SUN2: variants seen among roughly 807,000 people sequenced by gnomAD.
The protein encoded by SUN2 is Sad1 and UNC84 domain containing 2.
Under a neutral mutation model 100.0 loss-of-function variants are expected in SUN2, and 60 were observed. The ratio of observed to expected loss-of-function variants is 0.60; its 90% confidence interval spans 0.49 to 0.74. The LOEUF (loss-of-function observed/expected upper bound fraction) is 0.74. SUN2 is among the 30% of genes least tolerant of loss of function. The pLI, the probability that SUN2 is intolerant of heterozygous loss-of-function variation, is 0.00. For missense variants in SUN2, 834 were observed against 954.6 expected (o/e 0.87, Z 1.66); for synonymous variants, 367 against 403.3 (o/e 0.91, Z 1.08).
chr22:38,754,753 G>A (rs1019370930), intron 1 of SUN2: 1 of 1,287,026 alleles, frequency 7.8e-7, no homozygotes, highest in Non-Finnish European at 1.0e-6. Flanking sequence ...CCATACCCAA[G>A]CTGCCGCTGG....
intron 1 of SUN2, chr22:38,754,663 A>G: frequency 8.0e-7 from 1 of 1,252,606 alleles, no homozygotes; most frequent in Non-Finnish European, 1.0e-6. Flanking sequence ...AGCTGCCCAC[A>G]CAGGGACTCC....
chr22:38,754,560 T>TG, intron 1 of SUN2: 1 of 1,085,310 alleles, frequency 9.2e-7, no homozygotes, highest in South Asian at 1.3e-5. Context: ...AGCAGGAAGT[T>TG]GGCCTGGGTC....
chr22:38,746,486 C>T (rs1373170151), intron 7 of SUN2, among the ~76,000 whole-genome samples: 3 of 152,184 alleles, frequency 2.0e-5, no homozygotes, highest in Non-Finnish European at 2.9e-5. Flanking sequence ...AAGCTCCATT[C>T]GCTACTCAAG....
intron 2 of SUN2, 118 bp downstream of exon 2, chr22:38,752,389 G>A (rs1353184872): frequency 7.4e-6 from 10 of 1,355,118 alleles, no homozygotes; most frequent in Non-Finnish European, 1.0e-5. Context: ...CACGTCCTTC[G>A]ATTTCCACCC....
chr22:38,746,372 CAT>C (rs1318930553), intron 7 of SUN2, among the ~76,000 whole-genome samples: 1 of 152,154 alleles, frequency 6.6e-6, no homozygotes, highest in Non-Finnish European at 1.5e-5. Flanking sequence ...CACACAGAGA[CAT>C]GTTCATTCTG....
At chr22:38,748,638 C>T in intron 7 of SUN2, 75 bp downstream of exon 7, 2 of 1,569,298 alleles carry the variant, frequency 1.3e-6, no homozygotes, top group African/African-American at 1.3e-5. Context: ...TTGCCCCTTC[C>T]CTGCCTGCCA....
At chr22:38,747,610 C>G (rs2092914101) in intron 7 of SUN2, among the ~76,000 whole-genome samples, 1 of 152,256 alleles carries the variant, frequency 6.6e-6, no homozygotes, top group East Asian at 1.9e-4. Flanking sequence ...TGAAACTAGC[C>G]AAGCTGTCAA....
chr22:38,736,213 G>T lies in SUN2; in HGVS notation c.*54C>A. 1 of 1,505,578 alleles carries T rather than the reference G, an allele frequency of 6.6e-7. No individual in the cohort carries two copies. Among genetic ancestry groups the T allele is most frequent in the Non-Finnish European group, 9.2e-7 (1 of 1,085,604 alleles). The allele number at this position is 1,505,578 out of a possible 1,614,324, so 93.3% of individuals were successfully genotyped here. On this transcript the variant is annotated 3_prime_UTR_variant, in exon 18 of 18. Coordinates refer to ENST00000689035, the MANE Select transcript of SUN2 (RefSeq NM_015374.3). ...CGAGCAAGCGTGTGGGGGAAGCGGC[G>T]GGGTGCTGTTCACCCACTCCCAGAT... is the stretch of plus-strand genomic sequence containing the variant.
At position 38,736,033 on chromosome 22, in the gene SUN2, G is replaced by A; in HGVS notation, c.*234C>T. The stretch of plus-strand genomic sequence containing the variant: ...TACATATATACACACTCCCAGGATG[G>A]GAAGCAGACGCCACGGGCACAGAGG... On this transcript the variant is annotated 3_prime_UTR_variant, in exon 18 of 18. Coordinates refer to ENST00000689035, the MANE Select transcript of SUN2 (RefSeq NM_015374.3). The A allele has an allele frequency of 1.8e-6, 1 of 566,662 alleles. No individual in the cohort carries two copies. The highest frequency in any genetic ancestry group is 3.3e-5 in the East Asian group (1 of 30,168). The allele number at this position is 566,662 out of a possible 1,614,324, so 35.1% of individuals were successfully genotyped here.
rs377445244 is a variant in SUN2, at chr22:38,750,183, A to G, written c.520+42T>C. 2.9e-5 allele frequency: 46 copies of G among 1,597,496 alleles called. No individual in the cohort carries two copies. In the African/African-American group the frequency reaches 3.2e-4, roughly 11 times the overall value. On this transcript the variant is annotated intron_variant, in intron 5 of 17. Transcript: ENST00000689035. ...GCAGAGAGATGGGTAAGAAAGCACT[A>G]TCACCAAGAATGGAAGTAACTGGGC... is the stretch of plus-strand genomic sequence containing the variant.
At chr22:38,752,927 C>T (rs376030137) in intron 1 of SUN2, among the ~76,000 whole-genome samples, 95 of 152,374 alleles carry the variant, frequency 6.2e-4, no homozygotes, top group African/African-American at 2.2e-3. Flanking sequence ...GGGCGCTTTC[C>T]ACAGGCTTCC....
At position 38,735,430 on chromosome 22, in the gene SUN2, C is replaced by T; in HGVS notation, c.*837G>A. ...GCTATAACCCCAGATGCTAATGGCC[C>T]CAAAGACAGGTCTAGGTCTCCATAC... On this transcript the variant is annotated 3_prime_UTR_variant, in exon 18 of 18. Coordinates refer to ENST00000689035, the MANE Select transcript of SUN2 (RefSeq NM_015374.3). 3.0e-6 allele frequency: 1 copy of T among 337,854 alleles called. No individual in the cohort carries two copies. The highest frequency in any genetic ancestry group is 5.8e-6 in the Non-Finnish European group (1 of 171,514). 20.9% of individuals were successfully genotyped at this position (337,854 alleles called of 1,614,324 possible).
At chr22:38,752,050 C>A (rs533237826) in intron 2 of SUN2, among the ~76,000 whole-genome samples, 56 of 152,338 alleles carry the variant, frequency 3.7e-4, no homozygotes, top group Non-Finnish European at 6.6e-4. Context: ...ATCTCGCTCA[C>A]TGCAACCTCT....
In SUN2 at chr22:38,739,747, T is replaced by A; in HGVS notation, c.1553A>T (p.Glu518Val). The change falls in exon 13 of 18, where the codon GAA becomes GTA. Residue 518 changes from glutamate to valine, a missense_variant. Glu to Val is a moderately radical substitution (Grantham distance 121, BLOSUM62 -2). Around this residue, in one of 3 missense-constraint regions of SUN2, gnomAD observed 195 missense variants for 280.2 expected, o/e 0.70. Transcript: ENST00000689035. The surrounding 1 kb of genome is among the most constrained non-coding windows in gnomAD (Gnocchi z 6.7). ...AASLSLTLQKEGVIGVTEEQV... is the reference protein window; with the variant it reads ...AASLSLTLQKVGVIGVTEEQV... ...CTCCTCTGTCACTCCAATCACACCT[T>A]CTTTCTGCAGCGTCAGGCTCAGGGA... 3.7e-6 allele frequency: 6 copies of A among 1,613,654 alleles called. No individual in the cohort carries two copies. The highest frequency in any genetic ancestry group is 5.1e-6 in the Non-Finnish European group (6 of 1,179,976).
chr22:38,745,615 G>A (rs1238140148), intron 8 of SUN2, 69 bp downstream of exon 8: 21 of 1,582,462 alleles, frequency 1.3e-5, no homozygotes, highest in East Asian at 4.5e-5. Flanking sequence ...GGCTGAGGGC[G>A]CACCCACCAC....
chr22:38,750,799 ATGC>A (rs2092939203), intron 4 of SUN2, 96 bp downstream of exon 4: 2 of 1,545,512 alleles, frequency 1.3e-6, no homozygotes, highest in Non-Finnish European at 1.8e-6. Flanking sequence ...TGCCTGCCAC[ATGC>A]TGCCCTCTCT....
At chr22:38,750,529 GCCA>G in intron 4 of SUN2, 1 of 1,104,518 alleles carries the variant, frequency 9.1e-7, no homozygotes, top group Non-Finnish European at 1.3e-6. Flanking sequence ...CTCCTCACCA[GCCA>G]CCCCTCAAGC....
Position 38,738,849 on chromosome 22 carries a change from C to T in SUN2, c.1779+24G>A, listed in dbSNP as rs772126325. On this transcript the variant is annotated intron_variant, in intron 15 of 17. Coordinates refer to ENST00000689035, the MANE Select transcript of SUN2 (RefSeq NM_015374.3). The surrounding 1 kb of genome is among the most constrained non-coding windows in gnomAD (Gnocchi z 6.6). ...GCCCTCAGTGTGCTCAGAGCCCCCG[C>T]TGCTGTGCTTGCCAGGTGCCCACCT... 1.8e-4 allele frequency: 286 copies of T among 1,596,790 alleles called. 2 individuals are homozygous for T. Among genetic ancestry groups the T allele is most frequent in the Non-Finnish European group, 3.3e-5 (38 of 1,168,978 alleles).
Position 38,745,828 on chromosome 22 carries a change from G to A in SUN2, c.686-17C>T, listed in dbSNP as rs543516462. On this transcript the variant is annotated splice_polypyrimidine_tract_variant and intron_variant, in intron 7 of 17. Transcript: ENST00000689035. Reference sequence around the variant, plus strand: ...ACCAAGCACCTGTGCACAGGGGAGAGGGTGTTACCCCAGCTGGGCCTCCAG... The same window carrying A: ...ACCAAGCACCTGTGCACAGGGGAGAAGGTGTTACCCCAGCTGGGCCTCCAG... 2 of 1,612,328 alleles carry A rather than the reference G, an allele frequency of 1.2e-6. No homozygotes were observed. Among genetic ancestry groups the A allele is most frequent in the South Asian group, 2.2e-5 (2 of 90,850 alleles).
Sources: gnomAD v4.1 joint callset for allele counts (sites outside exome capture counted in the v4.1 genomes callset) on GRCh38, gnomAD v4.1.1 for gene constraint, gnomAD v4.1.1 regional missense constraint, Gnocchi (gnomAD v3.1) non-coding constraint, MANE v1.5 for transcripts, NCBI Gene and HGNC (gene_info 2026-07-23, HGNC 2026-07-21) for gene names.